CACNA1C: variants seen among roughly 807,000 people sequenced by gnomAD.
CACNA1C encodes the protein voltage-dependent L-type calcium channel subunit alpha-1C.
In CACNA1C, 30 loss-of-function variants were observed where a neutral mutation model predicts 229.0. That is an observed-to-expected ratio of 0.13 (90% CI 0.10 to 0.18). The LOEUF is 0.18. Among genes scored for constraint, CACNA1C ranks in the 10% least tolerant of loss-of-function variants. The pLI, the probability that CACNA1C is intolerant of heterozygous loss-of-function variation, is 1.00. For synonymous variants in CACNA1C, 1,114 were observed against 1,132.5 expected (o/e 0.98, Z 0.33); for missense variants, 1,658 against 2,845.0 (o/e 0.58, Z 9.49).
At chr12:2,450,566 A>T (rs998323659) in intron 4 of CACNA1C, among the ~76,000 whole-genome samples, 1 of 147,596 alleles carries the variant, frequency 6.8e-6, no homozygotes, top group Non-Finnish European at 1.5e-5. Flanking sequence ...AAAAAAAAAA[A>T]AAAAAAAAAA....
chr12:2,544,125 TG>T (rs2154591597), intron 9 of CACNA1C, among the ~76,000 whole-genome samples: 1 of 151,884 alleles, frequency 6.6e-6, no homozygotes, highest in East Asian at 1.9e-4. Context: ...CAGTGCTTTT[TG>T]CATGTAGGAT....
At chr12:2,363,034 A>T (rs904241213) in intron 3 of CACNA1C, among the ~76,000 whole-genome samples, 3 of 152,222 alleles carry the variant, frequency 2.0e-5, no homozygotes, top group Non-Finnish European at 4.4e-5. Flanking sequence ...GTGAGTAGGT[A>T]TCAGGCAGCT....
chr12:2,333,623 T>A (rs7295590), intron 3 of CACNA1C, among the ~76,000 whole-genome samples: 74,562 of 152,046 alleles, frequency 0.49, 20,861 homozygotes, highest in Non-Finnish European at 0.63. Context: ...TGACCCCTTG[T>A]TCTCCGTCAC....
At chr12:2,244,739 C>T (rs1170571999) in intron 3 of CACNA1C, among the ~76,000 whole-genome samples, 1 of 152,186 alleles carries the variant, frequency 6.6e-6, no homozygotes. Context: ...ACTCCCCCTG[C>T]AAGAATTCAC....
chr12:2,629,075 G>A (rs569931917), intron 29 of CACNA1C, among the ~76,000 whole-genome samples: 85 of 152,238 alleles, frequency 5.6e-4, no homozygotes, highest in African/African-American at 2.0e-3. Context: ...TGCTTGTATG[G>A]ATAATAATCA....
chr12:2,534,254 G>A (rs971101694), intron 9 of CACNA1C, among the ~76,000 whole-genome samples: 1 of 152,194 alleles, frequency 6.6e-6, no homozygotes, highest in Admixed American at 6.5e-5. Context: ...GAGGCAGAGA[G>A]TAGGACTGAG....
upstream of CACNA1C, among the ~76,000 whole-genome samples, chr12:2,048,917 C>G (rs187456068): frequency 1.3e-5 from 2 of 152,332 alleles, no homozygotes; most frequent in Admixed American, 1.3e-4. Flanking sequence ...CTACTGTCAA[C>G]ACTTTTTTTC....
chr12:2,244,232 G>A (rs192605152), intron 3 of CACNA1C, among the ~76,000 whole-genome samples: 1 of 152,362 alleles, frequency 6.6e-6, no homozygotes, highest in East Asian at 1.9e-4. Context: ...TAATTTCATT[G>A]TGAAGGGGCC....
intron 5 of CACNA1C, among the ~76,000 whole-genome samples, chr12:2,485,750 C>T (rs557311951): frequency 1.8e-4 from 28 of 152,314 alleles, no homozygotes; most frequent in African/African-American, 6.3e-4. Flanking sequence ...CACATGAGCT[C>T]TCACTGTCCT....
intron 3 of CACNA1C, among the ~76,000 whole-genome samples, chr12:2,324,988 A>G (rs1195264400): frequency 6.6e-6 from 1 of 152,156 alleles, no homozygotes; most frequent in Non-Finnish European, 1.5e-5. Flanking sequence ...TGAGGCTCAG[A>G]GAGGTTAAAT....
chr12:2,071,172 C>CCCTCCCTCCCTCCCTTCCTGCCTGCCTG (rs1555115765), intron 1 of CACNA1C, among the ~76,000 whole-genome samples: 2 of 16,042 alleles, frequency 1.2e-4, no homozygotes, highest in African/African-American at 3.9e-4. Flanking sequence ...CTCCCTCCCT[C>CCCTCCCTCCCTCCCTTCCTGCCTGCCTG]CCTGCCTGCC....
At chr12:2,244,701 T>C (rs1188250142) in intron 3 of CACNA1C, among the ~76,000 whole-genome samples, 1 of 152,246 alleles carries the variant, frequency 6.6e-6, no homozygotes, top group Non-Finnish European at 1.5e-5. Flanking sequence ...GCCAAGGCTC[T>C]TGTTGAGCAG....
At chr12:2,208,666 A>G (rs887074562) in intron 3 of CACNA1C, among the ~76,000 whole-genome samples, 5 of 152,288 alleles carry the variant, frequency 3.3e-5, no homozygotes, top group African/African-American at 1.2e-4. Flanking sequence ...TTACTGTTTA[A>G]TGACCAGTAT....
Position 2,691,175 on chromosome 12 carries a change from C to T in CACNA1C, c.6393C>T (p.Ser2131=), listed in dbSNP as rs750116200. 1.3e-6 allele frequency: 2 copies of T among 1,594,770 alleles called. No individual in the cohort carries two copies. The highest frequency in any genetic ancestry group is 1.7e-6 in the Non-Finnish European group (2 of 1,168,196). The change falls in exon 47 of 47, where the codon AGC becomes AGT. Residue 2131 remains serine, a synonymous_variant. Transcript: ENST00000399655. The stretch of plus-strand genomic sequence containing the variant: ...CGAGTGAGGAGGAGCTCCAGGACAG[C>T]AGGGTCTACGTCAGCAGCCTGTAGT... The part of the protein sequence containing the change: ...GRPSEEELQD[S]RVYVSSL
At chr12:2,249,481 A>G (rs1044032613) in intron 3 of CACNA1C, among the ~76,000 whole-genome samples, 12 of 152,208 alleles carry the variant, frequency 7.9e-5, no homozygotes, top group Non-Finnish European at 1.5e-4. Flanking sequence ...CTTTACAGAA[A>G]AAGTTTGTTG....
chr12:2,113,297 G>A (rs73048397), intron 1 of CACNA1C, among the ~76,000 whole-genome samples: 3,266 of 152,334 alleles, frequency 0.021, 61 homozygotes, highest in Non-Finnish European at 0.031. Context: ...ACAGGTTCCT[G>A]TGGGGACGGG....
At chr12:2,135,567 T>A (rs1216189991) in intron 3 of CACNA1C, among the ~76,000 whole-genome samples, 1 of 133,546 alleles carries the variant, frequency 7.5e-6, no homozygotes, top group Non-Finnish European at 1.5e-5. Context: ...TACCCTGCTG[T>A]GAGAGGTGTC....
At chr12:2,536,906 T>G (rs1285674568) in intron 9 of CACNA1C, among the ~76,000 whole-genome samples, 9 of 152,202 alleles carry the variant, frequency 5.9e-5, no homozygotes, top group Admixed American at 4.6e-4. Flanking sequence ...GATGATGTCA[T>G]GATTAAGATC....
chr12:2,434,089 G>A (rs574222461), intron 3 of CACNA1C, among the ~76,000 whole-genome samples: 11 of 152,262 alleles, frequency 7.2e-5, no homozygotes, highest in Non-Finnish European at 1.3e-4. Context: ...CTGCACTGGG[G>A]AGTCTCACCT....
Sources: allele counts gnomAD v4.1 joint callset (sites outside exome capture counted in the v4.1 genomes callset), GRCh38; gene constraint gnomAD v4.1.1; transcripts MANE v1.5; gene names NCBI Gene and HGNC (gene_info 2026-07-23, HGNC 2026-07-21).